The following MAGI2 variants were observed in gnomAD, a reference collection of about 807,000 sequenced individuals.
The protein encoded by MAGI2 is membrane associated guanylate kinase, WW and PDZ domain containing 2.
In MAGI2, 35 loss-of-function variants were observed where a neutral mutation model predicts 133.3. The ratio of observed to expected loss-of-function variants is 0.26; its 90% CI spans 0.20 to 0.35. The LOEUF is 0.35. MAGI2 is among the 10% of genes least tolerant of loss of function. The pLI, the probability that MAGI2 is intolerant of heterozygous loss-of-function variation, is 1.00. For synonymous variants in MAGI2, 729 were observed against 710.6 expected (o/e 1.03, Z -0.41); for missense variants, 1,636 against 1,863.4 (o/e 0.88, Z 2.25).
intron 9 of MAGI2, among the ~76,000 whole-genome samples, chr7:78,266,103 C>T (rs1793975161): frequency 6.6e-6 from 1 of 152,198 alleles, no homozygotes; most frequent in Non-Finnish European, 1.5e-5. Flanking sequence ...CAAACTGCTA[C>T]CTCCCGCCAA....
chr7:78,571,967 G>A (rs186373382), intron 3 of MAGI2, among the ~76,000 whole-genome samples: 1 of 152,040 alleles, frequency 6.6e-6, no homozygotes, highest in Non-Finnish European at 1.5e-5. Flanking sequence ...GTCCTGGCAC[G>A]CAGGACTTAC....
At chr7:79,264,865 G>C (rs187814810) in intron 1 of MAGI2, among the ~76,000 whole-genome samples, 19 of 152,076 alleles carry the variant, frequency 1.2e-4, no homozygotes, top group Middle Eastern at 3.4e-3. Flanking sequence ...GACACAGAGA[G>C]AGAGAGAGAG....
At chr7:78,486,026 G>A (rs1207493194) in intron 6 of MAGI2, 2 of 152,100 alleles carry the variant, frequency 1.3e-5, no homozygotes, top group African/African-American at 4.8e-5. Context: ...ACCCTGGAGA[G>A]GTGAAGGAAG....
chr7:78,999,025 C>T (rs1289417972), intron 2 of MAGI2, among the ~76,000 whole-genome samples: 1 of 152,058 alleles, frequency 6.6e-6, no homozygotes, highest in East Asian at 1.9e-4. Context: ...CAAAATATAG[C>T]CTCAGAACTC....
chr7:79,437,895 C>A (rs1848251887), intron 1 of MAGI2, among the ~76,000 whole-genome samples: 1 of 151,776 alleles, frequency 6.6e-6, no homozygotes, highest in Admixed American at 6.6e-5. Context: ...CATATGCTAC[C>A]CATTAAGAAA....
chr7:78,124,862 T>G (rs1471111200), intron 20 of MAGI2, among the ~76,000 whole-genome samples: 5 of 3,870 alleles, frequency 1.3e-3, no homozygotes, highest in Non-Finnish European at 4.5e-3. Flanking sequence ...AGCTGCTGTC[T>G]TTTTTTTTTT....
In MAGI2 at chr7:78,510,884, G is replaced by C. The variant is rs536035314; in HGVS notation, c.755-9097C>G. On this transcript the variant is annotated intron_variant, in intron 4 of 21. Transcript: ENST00000354212. ...CCAATTTTATACTGGTCCAAAGCTT[G>C]GTCTTCTCATATACCCCCAGAGCAA... is the stretch of plus-strand genomic sequence containing the variant. 1.1e-4 allele frequency among the ~76,000 whole-genome samples: 16 copies of C among 152,204 alleles called. No homozygotes were observed. In the East Asian group the frequency reaches 3.1e-3, roughly 29 times the overall value.
At chr7:79,214,405 CTCTATA>C (rs1220246446) in intron 1 of MAGI2, among the ~76,000 whole-genome samples, 105 of 30,470 alleles carry the variant, frequency 3.4e-3, no homozygotes, top group Admixed American at 3.6e-3. Context: ...CTCTCTCTCT[CTCTATA>C]TATATATATA....
chr7:78,297,455 T>G lies in MAGI2; in HGVS notation c.1409-40874A>C, dbSNP rs1460476779. On this transcript the variant is annotated intron_variant, in intron 9 of 21. Coordinates refer to ENST00000354212, the MANE Select transcript of MAGI2 (RefSeq NM_012301.4). ...AGGGATCTAGAACTGGAAATACCAT[T>G]TGACCCAGCCATCCCATTACTGGGT... is the stretch of plus-strand genomic sequence containing the variant. Among the ~76,000 whole-genome samples, 3 of 151,918 alleles carry G rather than the reference T, an allele frequency of 2.0e-5. No homozygotes were observed. In the East Asian group the frequency reaches 5.8e-4, roughly 30 times the overall value.
At chr7:78,427,963 T>A (rs560569402) in intron 6 of MAGI2, among the ~76,000 whole-genome samples, 1 of 152,264 alleles carries the variant, frequency 6.6e-6, no homozygotes, top group East Asian at 1.9e-4. Flanking sequence ...CATGGGAATT[T>A]TTCATCCTAT....
At chr7:78,861,999 C>A (rs1373237493) in intron 2 of MAGI2, among the ~76,000 whole-genome samples, 2 of 152,144 alleles carry the variant, frequency 1.3e-5, no homozygotes, top group African/African-American at 4.8e-5. Flanking sequence ...GTACAAATAA[C>A]AAAAATTCAG....
chr7:79,225,478 A>C (rs1289566372), intron 1 of MAGI2, among the ~76,000 whole-genome samples: 4 of 152,230 alleles, frequency 2.6e-5, no homozygotes, highest in Non-Finnish European at 5.9e-5. Context: ...CAGTCTAATT[A>C]TAATACAATC....
intron 1 of MAGI2, among the ~76,000 whole-genome samples, chr7:79,374,335 C>CAA (rs1162646868): frequency 2.0e-5 from 3 of 151,536 alleles, no homozygotes; most frequent in African/African-American, 4.9e-5. Context: ...CACAAACACA[C>CAA]ACACACACAC....
chr7:78,527,124 TAATA>T (rs1268460426), intron 3 of MAGI2, among the ~76,000 whole-genome samples: 1 of 151,702 alleles, frequency 6.6e-6, no homozygotes, highest in Non-Finnish European at 1.5e-5. Context: ...TAAAAACATT[TAATA>T]AATGCCCATT....
At chr7:78,080,989 G>A (rs1412692764) in intron 20 of MAGI2, among the ~76,000 whole-genome samples, 1 of 152,152 alleles carries the variant, frequency 6.6e-6, no homozygotes, top group East Asian at 1.9e-4. Flanking sequence ...TGTCACCAGA[G>A]TAATCCTTCT....
chr7:78,130,293 C>T (rs1821432110), intron 18 of MAGI2, among the ~76,000 whole-genome samples: 1 of 152,120 alleles, frequency 6.6e-6, no homozygotes, highest in African/African-American at 2.4e-5. Context: ...AGAGTAAATA[C>T]AGCAGGAAAA....
chr7:78,523,836 G>A (rs976966342), intron 3 of MAGI2, among the ~76,000 whole-genome samples: 1 of 152,114 alleles, frequency 6.6e-6, no homozygotes, highest in Admixed American at 6.5e-5. Flanking sequence ...GATTTTTGGT[G>A]GGGACACAGC....
At chr7:78,383,062 C>T (rs1186722350) in intron 6 of MAGI2, among the ~76,000 whole-genome samples, 1 of 152,048 alleles carries the variant, frequency 6.6e-6, no homozygotes, top group Non-Finnish European at 1.5e-5. Flanking sequence ...AATAGTGCTG[C>T]AATAAACACA....
chr7:78,362,525 A>G (rs1792933753), intron 7 of MAGI2, among the ~76,000 whole-genome samples: 1 of 152,138 alleles, frequency 6.6e-6, no homozygotes, highest in South Asian at 2.1e-4. Flanking sequence ...ACTGCTGGGA[A>G]TCTTAGCGAC....
Sources: allele counts gnomAD v4.1 joint callset (sites outside exome capture counted in the v4.1 genomes callset), GRCh38; gene constraint gnomAD v4.1.1; transcripts MANE v1.5; gene names NCBI Gene and HGNC (gene_info 2026-07-23, HGNC 2026-07-21).